The following RFX4 variants were observed in gnomAD, a reference collection of about 807,000 sequenced individuals.
The protein encoded by RFX4 is regulatory factor X4.
Under a neutral mutation model 95.0 loss-of-function variants are expected in RFX4, and 10 were observed. The observed-to-expected ratio is 0.11, with a 90% CI of 0.06 to 0.18. The LOEUF is 0.18. RFX4 is among the 10% of genes least tolerant of loss of function. RFX4 has a pLI of 1.00. For synonymous variants in RFX4, 321 were observed against 340.7 expected (o/e 0.94, Z 0.64); for missense variants, 640 against 922.0 (o/e 0.69, Z 3.96).
At chr12:106,594,323 G>A (rs1479890430) in intron 1 of RFX4, among the ~76,000 whole-genome samples, 1 of 152,172 alleles carries the variant, frequency 6.6e-6, no homozygotes, top group East Asian at 1.9e-4. Context: ...AGCGGTTGTT[G>A]TGAGAAAGGC....
rs761062580 is a variant in RFX4 at position 106,601,240 on chromosome 12, G to C, written c.44-7557G>C. 5.1e-6 allele frequency: 8 copies of C among 1,559,742 alleles called. No individual in the cohort carries two copies. The South Asian group carries it at 8.2e-5, about 16-fold the overall frequency. The stretch of plus-strand genomic sequence containing the variant: ...CTGTGTGTCGCCACTGCCACCGGCA[G>C]GGAGCCAGGAGAGAGACAGAAAGGG... On this transcript the variant is annotated intron_variant, in intron 1 of 17. Coordinates refer to ENST00000392842, the MANE Select transcript of RFX4 (RefSeq NM_213594.3).
chr12:106,638,757 G>A (rs1407476155), intron 2 of RFX4, among the ~76,000 whole-genome samples: 1 of 152,188 alleles, frequency 6.6e-6, no homozygotes, highest in East Asian at 1.9e-4. Flanking sequence ...GTTCATAGAT[G>A]GCTATCTTCT....
chr12:106,679,907 G>A (rs981938919), intron 4 of RFX4, among the ~76,000 whole-genome samples: 1 of 152,170 alleles, frequency 6.6e-6, no homozygotes. Context: ...TGTTTAAAGA[G>A]CACTGTTACT....
intron 2 of RFX4, among the ~76,000 whole-genome samples, chr12:106,629,402 C>T (rs185095005): frequency 1.3e-4 from 20 of 152,224 alleles, no homozygotes; most frequent in Admixed American, 4.6e-4. Flanking sequence ...ATAAAGGGTA[C>T]GTGGGATTTC....
Position 106,720,356 on chromosome 12 carries a change from C to T in RFX4, c.1233+302C>T, listed in dbSNP as rs913753035. Among the ~76,000 whole-genome samples, 1 of 152,114 alleles carries T rather than the reference C, an allele frequency of 6.6e-6. No individual in the cohort carries two copies. The highest frequency in any genetic ancestry group is 1.5e-5 in the Non-Finnish European group (1 of 68,028). ...GCTCCATAGCATTGACTTTGAAGAC[C>T]ATAAGCCTTCCTGTCATTTTTCTGT... On this transcript the variant is annotated intron_variant, in intron 12 of 17. Coordinates refer to ENST00000392842, the MANE Select transcript of RFX4 (RefSeq NM_213594.3). The surrounding 1 kb of genome is among the most constrained non-coding windows in gnomAD (Gnocchi z 4.2).
At chr12:106,732,712 T>C (rs1014391856) in intron 14 of RFX4, among the ~76,000 whole-genome samples, 2 of 151,638 alleles carry the variant, frequency 1.3e-5, no homozygotes, top group East Asian at 3.9e-4. Flanking sequence ...AATAAGTAAA[T>C]AAATAAATAA....
chr12:106,747,366 C>A, intron 15 of RFX4, 71 bp from the exon 16 acceptor site: 1 of 1,539,930 alleles, frequency 6.5e-7, no homozygotes, highest in South Asian at 1.2e-5. Flanking sequence ...CAAAGGGAAG[C>A]CACTAAAGTA....
chr12:106,747,641 G>A (rs780865557), intron 16 of RFX4, 42 bp downstream of exon 16: 39 of 1,601,042 alleles, frequency 2.4e-5, no homozygotes, highest in Non-Finnish European at 2.9e-5. Flanking sequence ...TTTAAAATTT[G>A]ATCTAAAGAG....
intron 11 of RFX4, among the ~76,000 whole-genome samples, chr12:106,719,260 CAAGTATCTATT>C (rs1395755953): frequency 1.3e-5 from 2 of 152,210 alleles, no homozygotes; most frequent in African/African-American, 2.4e-5. Context: ...ACTTACTCAA[CAAGTATCTATT>C]AAGCACCTAC....
In RFX4 at chr12:106,696,278, T is replaced by C. The variant is rs1246751587; in HGVS notation, c.670-5T>C. On this transcript the variant is annotated splice_region_variant and splice_polypyrimidine_tract_variant and intron_variant, in intron 7 of 17. Transcript: ENST00000392842. ...CATGATTCTTCTCTCTGTGGGTCAA[T>C]ACAGGTTCAAAGTTTCCTTCTGCAC... 1.2e-6 allele frequency: 2 copies of C among 1,614,138 alleles called. No homozygotes were observed. The highest frequency in any genetic ancestry group is 3.3e-5 in the Admixed American group (2 of 60,022).
chr12:106,606,471 T>G (rs1378902110), intron 1 of RFX4, among the ~76,000 whole-genome samples: 1 of 151,884 alleles, frequency 6.6e-6, no homozygotes, highest in African/African-American at 2.4e-5. Context: ...GTGAGTGGAG[T>G]CATTCTGGAG....
chr12:106,723,666 C>G (rs902880324), intron 13 of RFX4, among the ~76,000 whole-genome samples: 3 of 152,118 alleles, frequency 2.0e-5, no homozygotes, highest in South Asian at 4.1e-4. Context: ...GGGAGCGGCT[C>G]CCAGAACAAG....
intron 2 of RFX4, among the ~76,000 whole-genome samples, chr12:106,619,203 C>T (rs1264977060): frequency 6.6e-6 from 1 of 152,170 alleles, no homozygotes; most frequent in East Asian, 1.9e-4. Flanking sequence ...GCAGCAGTTT[C>T]ATGCTTCCAT....
chr12:106,698,473 G>A (rs1029725766), intron 8 of RFX4, among the ~76,000 whole-genome samples: 4 of 152,006 alleles, frequency 2.6e-5, no homozygotes, highest in Non-Finnish European at 5.9e-5. Context: ...TAGAGATAGG[G>A]TCTCACTATA....
intron 2 of RFX4, among the ~76,000 whole-genome samples, chr12:106,617,044 A>G (rs1195795811): frequency 6.6e-6 from 1 of 152,068 alleles, no homozygotes; most frequent in Admixed American, 6.6e-5. Context: ...CTGGGATTAC[A>G]GGTGTGAGCC....
At chr12:106,691,182 A>G (rs1214841692) in intron 7 of RFX4, among the ~76,000 whole-genome samples, 1 of 152,230 alleles carries the variant, frequency 6.6e-6, no homozygotes, top group African/African-American at 2.4e-5. Context: ...TCATCCTAGA[A>G]ATGAAGATTT....
chr12:106,715,597 A>C, intron 11 of RFX4, 53 bp downstream of exon 11: 1 of 1,599,164 alleles, frequency 6.3e-7, no homozygotes, highest in Non-Finnish European at 8.5e-7. Flanking sequence ...AAAAGAAAGA[A>C]AAAGTGTCTT....
chr12:106,689,169 T>A lies in RFX4; in HGVS notation c.592-118T>A, dbSNP rs1221731571. On this transcript the variant is annotated intron_variant, in intron 6 of 17. Coordinates refer to ENST00000392842, the MANE Select transcript of RFX4 (RefSeq NM_213594.3). ...CTGGGTCTGGTAGGCTGAGCCGGTG[T>A]TAGGTGAATTGCATCCCCCCCACAG... 6 of 844,990 alleles carry A rather than the reference T, an allele frequency of 7.1e-6. No individual in the cohort carries two copies. In the East Asian group the frequency reaches 1.5e-4, roughly 21 times the overall value. The allele number at this position is 844,990 out of a possible 1,614,324, so 52.3% of individuals were successfully genotyped here. A position where few individuals can be genotyped will look rare whatever the true frequency, so the allele number is the denominator to read the frequency against.
chr12:106,663,494 A>G (rs2041115885), intron 4 of RFX4, among the ~76,000 whole-genome samples: 1 of 151,740 alleles, frequency 6.6e-6, no homozygotes, highest in Non-Finnish European at 1.5e-5. Flanking sequence ...CAATTATGTC[A>G]TCTTTGAACA....
Sources: allele counts gnomAD v4.1 joint callset (sites outside exome capture counted in the v4.1 genomes callset), GRCh38; gene constraint gnomAD v4.1.1; non-coding constraint Gnocchi (gnomAD v3.1); transcripts MANE v1.5; gene names NCBI Gene and HGNC (gene_info 2026-07-23, HGNC 2026-07-21).